The following PRKD1 variants were observed in gnomAD, a reference collection of about 807,000 sequenced individuals.
PRKD1 encodes the protein serine/threonine-protein kinase D1.
Under a neutral mutation model 95.9 loss-of-function variants are expected in PRKD1, and 63 were observed. The ratio of observed to expected loss-of-function variants is 0.66; its 90% CI spans 0.54 to 0.81. PRKD1 has a LOEUF of 0.81. PRKD1 is among the 30% of genes least tolerant of loss of function. PRKD1 has a pLI of 0.00. For missense variants in PRKD1, 1,048 were observed against 1,165.3 expected (o/e 0.90, Z 1.47); for synonymous variants, 425 against 423.1 (o/e 1.00, Z -0.05).
chr14:29,843,262 G>C (rs1464082883), intron 1 of PRKD1, among the ~76,000 whole-genome samples: 2 of 152,144 alleles, frequency 1.3e-5, no homozygotes, highest in East Asian at 3.9e-4. Context: ...AAACCAAAGA[G>C]AGAGGTCCTC....
intron 2 of PRKD1, among the ~76,000 whole-genome samples, chr14:29,703,661 T>C (rs973731836): frequency 1.1e-4 from 16 of 152,156 alleles, no homozygotes; most frequent in African/African-American, 3.9e-4. Context: ...TACGTGTATA[T>C]CTTTTTTTCC....
chr14:29,834,012 CCT>C (rs1483184398), intron 1 of PRKD1, among the ~76,000 whole-genome samples: 3 of 152,066 alleles, frequency 2.0e-5, no homozygotes, highest in Non-Finnish European at 2.9e-5. Context: ...TCAATCTTCC[CCT>C]GATGGAGATC....
At chr14:29,672,372 A>G (rs557673251) in intron 2 of PRKD1, among the ~76,000 whole-genome samples, 3 of 151,792 alleles carry the variant, frequency 2.0e-5, no homozygotes, top group Admixed American at 6.6e-5. Context: ...AAAATAAAAT[A>G]AAATAATTAA....
At chr14:29,826,760 T>TATATATACACATATATATAC (rs1555348548) in intron 1 of PRKD1, among the ~76,000 whole-genome samples, 22 of 39,136 alleles carry the variant, frequency 5.6e-4, no homozygotes, top group African/African-American at 2.0e-3. Flanking sequence ...TATATATACA[T>TATATATACACATATATATAC]ATATATATAC....
chr14:29,693,573 TTTCAAGCAGGAA>T (rs1884352343), intron 2 of PRKD1, among the ~76,000 whole-genome samples: 1 of 151,096 alleles, frequency 6.6e-6, no homozygotes, highest in Non-Finnish European at 1.5e-5. Context: ...CAATTCTGAA[TTTCAAGCAGGAA>T]TTCAAGTCTT....
chr14:29,602,595 A>G (rs543138718), intron 13 of PRKD1, among the ~76,000 whole-genome samples: 1 of 151,794 alleles, frequency 6.6e-6, no homozygotes, highest in South Asian at 2.1e-4. Context: ...ATGCCTGGCT[A>G]ATTTTGTATG....
intron 1 of PRKD1, among the ~76,000 whole-genome samples, chr14:29,886,943 T>G (rs572077804): frequency 1.3e-5 from 2 of 152,330 alleles, no homozygotes; most frequent in South Asian, 4.1e-4. Flanking sequence ...TGCTGTCATT[T>G]CAACACACAA....
chr14:29,707,910 C>A lies in PRKD1; in HGVS notation c.403+17626G>T, dbSNP rs184109466. Among the ~76,000 whole-genome samples the A allele has an allele frequency of 2.7e-4, 41 of 152,156 alleles. 1 individual carries two copies. Among genetic ancestry groups the A allele is most frequent in the Admixed American group, 2.6e-3 (40 of 15,280 alleles). ...TCTTTCAGGCTAATAGATTACTGAC[C>A]CTTCCAAGACCTCTCAAAAATATCT... On this transcript the variant is annotated intron_variant, in intron 2 of 17. Coordinates refer to ENST00000331968, the MANE Select transcript of PRKD1 (RefSeq NM_002742.3).
chr14:29,742,677 A>G (rs993002596), intron 1 of PRKD1, among the ~76,000 whole-genome samples: 1 of 152,230 alleles, frequency 6.6e-6, no homozygotes. Flanking sequence ...ACCGTAAAAA[A>G]TGAGTATCAA....
At chr14:29,706,843 C>T (rs904942535) in intron 2 of PRKD1, among the ~76,000 whole-genome samples, 3 of 152,018 alleles carry the variant, frequency 2.0e-5, no homozygotes, top group Admixed American at 6.6e-5. Context: ...AAAAAGTTGC[C>T]TCACCCAAAT....
intron 3 of PRKD1, among the ~76,000 whole-genome samples, chr14:29,664,207 G>C (rs1359017095): frequency 6.6e-6 from 1 of 152,062 alleles, no homozygotes; most frequent in East Asian, 1.9e-4. Flanking sequence ...GACACATAAA[G>C]GAATATTAAT....
chr14:29,682,609 G>T (rs1883599245), intron 2 of PRKD1, among the ~76,000 whole-genome samples: 1 of 152,126 alleles, frequency 6.6e-6, no homozygotes, highest in African/African-American at 2.4e-5. Flanking sequence ...GCAGTTACAG[G>T]AAAGACACAG....
chr14:29,722,316 G>T (rs947652476), intron 2 of PRKD1, among the ~76,000 whole-genome samples: 1 of 152,182 alleles, frequency 6.6e-6, no homozygotes, highest in African/African-American at 2.4e-5. Flanking sequence ...GGTCAGGAAG[G>T]AGTATGTAAT....
chr14:29,769,337 G>A (rs915254095), intron 1 of PRKD1, among the ~76,000 whole-genome samples: 1 of 152,104 alleles, frequency 6.6e-6, no homozygotes, highest in Admixed American at 6.5e-5. Context: ...AGGAGGCTGA[G>A]GGGGGATGAC....
At chr14:29,896,644 C>T (rs1467071307) in intron 1 of PRKD1, among the ~76,000 whole-genome samples, 1 of 151,228 alleles carries the variant, frequency 6.6e-6, no homozygotes, top group Non-Finnish European at 1.5e-5. Context: ...TTAAGATGGC[C>T]AGGCCTTATT....
At chr14:29,869,693 T>C (rs1351230518) in intron 1 of PRKD1, among the ~76,000 whole-genome samples, 1 of 152,194 alleles carries the variant, frequency 6.6e-6, no homozygotes, top group Non-Finnish European at 1.5e-5. Context: ...TGCCAAGCAC[T>C]ATGCTATGGT....
intron 1 of PRKD1, among the ~76,000 whole-genome samples, chr14:29,774,910 A>C (rs949487492): frequency 6.6e-5 from 10 of 152,186 alleles, no homozygotes; most frequent in African/African-American, 2.2e-4. Flanking sequence ...ATGTCTGTGA[A>C]GGACAAATCA....
chr14:29,608,055 T>C (rs918081222), intron 13 of PRKD1, among the ~76,000 whole-genome samples: 4 of 152,210 alleles, frequency 2.6e-5, no homozygotes, highest in African/African-American at 4.8e-5. Flanking sequence ...TAAATTAACA[T>C]ATTCAAATAT....
chr14:29,634,688 G>A, intron 7 of PRKD1, 147 bp from the exon 8 acceptor site: 1 of 1,113,676 alleles, frequency 9.0e-7, no homozygotes, highest in South Asian at 1.4e-5. Flanking sequence ...CAGGCACCAT[G>A]GTTCTGAAAG....
Sources: allele counts gnomAD v4.1 joint callset (sites outside exome capture counted in the v4.1 genomes callset), GRCh38; gene constraint gnomAD v4.1.1; transcripts MANE v1.5; gene names NCBI Gene and HGNC (gene_info 2026-07-23, HGNC 2026-07-21).